Variants in PPP6R3 observed in about 807,000 individuals in gnomAD.
The protein encoded by PPP6R3 is serine/threonine-protein phosphatase 6 regulatory subunit 3.
Under a neutral mutation model 110.7 loss-of-function variants are expected in PPP6R3, and 38 were observed. The ratio of observed to expected loss-of-function variants is 0.34; its 90% CI spans 0.26 to 0.45. The LOEUF (loss-of-function observed/expected upper bound fraction) is 0.45. Among genes scored for constraint, PPP6R3 ranks in the 20% least tolerant of loss-of-function variants. PPP6R3 has a pLI of 1.00. For synonymous variants in PPP6R3, 369 were observed against 373.5 expected, an observed-to-expected ratio of 0.99 and a Z score of 0.14; for missense variants, 870 against 1,062.4, an observed-to-expected ratio of 0.82 and a Z score of 2.52.
At chr11:68,528,444 G>GT (rs869134897) in intron 2 of PPP6R3, among the ~76,000 whole-genome samples, 1 of 134,912 alleles carries the variant, frequency 7.4e-6, no homozygotes, top group Non-Finnish European at 1.6e-5. Context: ...GGGGGGGGGG[G>GT]CTGCACCTTT....
chr11:68,599,679 A>G (rs551954753), intron 19 of PPP6R3, among the ~76,000 whole-genome samples: 31 of 152,388 alleles, frequency 2.0e-4, no homozygotes, highest in African/African-American at 7.5e-4. Context: ...TTGCCAAGAT[A>G]GTAAGTCTCC....
intron 2 of PPP6R3, among the ~76,000 whole-genome samples, chr11:68,530,033 G>C (rs2099227983): frequency 6.6e-6 from 1 of 152,222 alleles, no homozygotes; most frequent in Non-Finnish European, 1.5e-5. Context: ...ATACACATCA[G>C]ATTTGGAAGA....
intron 15 of PPP6R3, chr11:68,586,331 AATTAAT>A (rs898378214): frequency 6.6e-6 from 1 of 152,188 alleles, no homozygotes; most frequent in Admixed American, 6.5e-5. Flanking sequence ...TTTTTGATGT[AATTAAT>A]ATTAATGCTG....
At chr11:68,510,974 T>A (rs1370046599) in intron 1 of PPP6R3, among the ~76,000 whole-genome samples, 1 of 152,158 alleles carries the variant, frequency 6.6e-6, no homozygotes, top group African/African-American at 2.4e-5. Flanking sequence ...TTTTCTCTCT[T>A]CCCTATCCAC....
intron 14 of PPP6R3, among the ~76,000 whole-genome samples, chr11:68,577,747 G>A (rs1292677503): frequency 2.6e-5 from 4 of 152,064 alleles, no homozygotes; most frequent in Non-Finnish European, 1.5e-5. Flanking sequence ...AAAACGTTCA[G>A]CCCCTGGTAG....
In PPP6R3 at chr11:68,590,731, T is replaced by C. The variant is rs2099592525; in HGVS notation, c.1785+17T>C. 1.9e-6 allele frequency: 3 copies of C among 1,570,652 alleles called. No homozygotes were observed. Among genetic ancestry groups the C allele is most frequent in the Non-Finnish European group, 2.6e-6 (3 of 1,150,168 alleles). On this transcript the variant is annotated intron_variant, in intron 17 of 23. Transcript: ENST00000393800. ...AATGAAAGTGTAAGTATAAACTCTG[T>C]TGTGAGCAGTGTGGCACATGAGAGG...
rs372543750 is a variant in PPP6R3, at chr11:68,475,295, A to G, written c.-158+14468A>G. 3.0e-4 allele frequency among the ~76,000 whole-genome samples: 45 copies of G among 152,334 alleles called. No individual in the cohort carries two copies. The East Asian group carries it at 3.9e-3, about 13-fold the overall frequency. On this transcript the variant is annotated intron_variant, in intron 1 of 23. Coordinates refer to ENST00000393800, the MANE Select transcript of PPP6R3 (RefSeq NM_001164161.2). ...TTTTTCTTAGTACAGAACAAAATGA[A>G]GTCTCCCATGTCTACTTCTTTCTAC...
chr11:68,531,187 C>T (rs1322052490), intron 2 of PPP6R3, among the ~76,000 whole-genome samples: 1 of 152,056 alleles, frequency 6.6e-6, no homozygotes, highest in Non-Finnish European at 1.5e-5. Context: ...AATGATCCTC[C>T]ATTTATGAAT....
chr11:68,604,288 C>CA (rs1387304415), intron 22 of PPP6R3, among the ~76,000 whole-genome samples: 11 of 152,216 alleles, frequency 7.2e-5, no homozygotes, highest in African/African-American at 2.4e-4. Context: ...ACAATGTAAA[C>CA]ACCAGTGTGT....
At chr11:68,565,291 A>AT (rs2099457327) in intron 9 of PPP6R3, among the ~76,000 whole-genome samples, 2 of 151,802 alleles carry the variant, frequency 1.3e-5, no homozygotes, top group African/African-American at 4.8e-5. Flanking sequence ...ATCTTTTCAG[A>AT]TACCTGATGC....
intron 1 of PPP6R3, among the ~76,000 whole-genome samples, chr11:68,473,414 C>T (rs2098806373): frequency 6.6e-6 from 1 of 152,232 alleles, no homozygotes; most frequent in African/African-American, 2.4e-5. Flanking sequence ...TCTTACCTTG[C>T]CATGCGTATC....
In PPP6R3 at chr11:68,615,253, A is replaced by G; in HGVS notation, c.*2136A>G. The G allele has an allele frequency of 2.7e-6, 1 of 368,160 alleles. No individual in the cohort carries two copies. Among genetic ancestry groups the G allele is most frequent in the East Asian group, 7.3e-5 (1 of 13,730 alleles). The allele number at this position is 368,160 out of a possible 1,614,324, so 22.8% of individuals were successfully genotyped here. A position where few individuals can be genotyped will look rare whatever the true frequency, so the allele number is the denominator to read the frequency against. ...AATTTCTGTGTGTTGGCCATACTGA[A>G]TTATGAGACTAACAGATGTCTACAA... On this transcript the variant is annotated 3_prime_UTR_variant, in exon 24 of 24. Transcript: ENST00000393800.
At chr11:68,513,402 G>A (rs2099120495) in intron 1 of PPP6R3, among the ~76,000 whole-genome samples, 1 of 152,142 alleles carries the variant, frequency 6.6e-6, no homozygotes, top group African/African-American at 2.4e-5. Context: ...GCTGTGATAA[G>A]TGTATGAGGC....
chr11:68,551,363 A>G (rs2099374591), intron 6 of PPP6R3, 177 bp downstream of exon 6: 1 of 562,194 alleles, frequency 1.8e-6, no homozygotes, highest in African/African-American at 1.9e-5. Flanking sequence ...TTTTGCCAAT[A>G]CTCAGAAAAT....
intron 9 of PPP6R3, among the ~76,000 whole-genome samples, chr11:68,565,210 T>C (rs1018365651): frequency 8.5e-5 from 13 of 152,166 alleles, no homozygotes; most frequent in African/African-American, 3.1e-4. Context: ...TTTCTGTTTA[T>C]TTAACTATTT....
At chr11:68,471,283 A>C (rs1391968458) in intron 1 of PPP6R3, among the ~76,000 whole-genome samples, 4 of 123,088 alleles carry the variant, frequency 3.2e-5, no homozygotes, top group African/African-American at 7.8e-5. Context: ...ATTCTGTCTC[A>C]AAAAAAAAAA....
intron 1 of PPP6R3, among the ~76,000 whole-genome samples, chr11:68,513,679 G>A (rs151010631): frequency 2.0e-5 from 3 of 152,292 alleles, no homozygotes; most frequent in African/African-American, 7.2e-5. Context: ...TTCACACATA[G>A]CGCCAGTTTG....
rs1193512797 is a variant in PPP6R3 at position 68,614,876 on chromosome 11, G to GATA, written c.*1763_*1765dup. On this transcript the variant is annotated 3_prime_UTR_variant, in exon 24 of 24. Transcript: ENST00000393800. ...CGTTGGACCTCGGGGATTACTGGTA[G>GATA]ATAATATGCTCTGGTCTCGCCTGGT... 2.2e-6 allele frequency: 2 copies of GATA among 907,606 alleles called. No individual in the cohort carries two copies. The highest frequency in any genetic ancestry group is 3.3e-5 in the African/African-American group (2 of 59,996). 56.2% of individuals were successfully genotyped at this position (907,606 alleles called of 1,614,324 possible). A position where few individuals can be genotyped will look rare whatever the true frequency, so the allele number is the denominator to read the frequency against.
intron 18 of PPP6R3, among the ~76,000 whole-genome samples, chr11:68,595,650 G>A (rs1220095930): frequency 6.6e-6 from 1 of 152,174 alleles, no homozygotes; most frequent in Non-Finnish European, 1.5e-5. Context: ...TTAGATAAAA[G>A]ACTTGTGTAT....
Sources: gnomAD v4.1 joint callset for allele counts (sites outside exome capture counted in the v4.1 genomes callset) on GRCh38, gnomAD v4.1.1 for gene constraint, MANE v1.5 for transcripts, NCBI Gene and HGNC (gene_info 2026-07-23, HGNC 2026-07-21) for gene names.